Variants in XKR6 observed in about 807,000 individuals in gnomAD.
The protein encoded by XKR6 is XK related 6.
Under a neutral mutation model 56.7 loss-of-function variants are expected in XKR6, and 22 were observed. The observed-to-expected ratio is 0.39, with a 90% CI of 0.28 to 0.55. The LOEUF (loss-of-function observed/expected upper bound fraction) is 0.55, where lower values mean the gene tolerates loss of function less well. Among genes scored for constraint, XKR6 ranks in the 20% least tolerant of loss-of-function variants. The pLI is 0.66. For missense variants in XKR6, 852 were observed against 889.0 expected, an observed-to-expected ratio of 0.96 and a Z score of 0.53; for synonymous variants, 524 against 387.8, an observed-to-expected ratio of 1.35 and a Z score of -4.13.
chr8:10,955,027 C>G (rs1001976102), intron 1 of XKR6, among the ~76,000 whole-genome samples: 35 of 152,076 alleles, frequency 2.3e-4, no homozygotes, highest in African/African-American at 8.4e-4. Flanking sequence ...TGCCACCATG[C>G]CCAGCTAATT....
chr8:11,032,652 A>G (rs1044165798), intron 1 of XKR6, among the ~76,000 whole-genome samples: 2 of 152,184 alleles, frequency 1.3e-5, no homozygotes, highest in African/African-American at 2.4e-5. Flanking sequence ...CCCCAGGCTC[A>G]CCAGAGAAGG....
At chr8:10,983,589 G>A (rs1472464362) in intron 1 of XKR6, among the ~76,000 whole-genome samples, 3 of 151,716 alleles carry the variant, frequency 2.0e-5, no homozygotes, top group African/African-American at 4.8e-5. Flanking sequence ...TAATCCTTAA[G>A]AACAGACAAC....
chr8:10,978,554 T>A (rs1797648167), intron 1 of XKR6, among the ~76,000 whole-genome samples: 1 of 152,210 alleles, frequency 6.6e-6, no homozygotes, highest in South Asian at 2.1e-4. Context: ...GTCTCGTGCA[T>A]TCTCCTCCAG....
intron 1 of XKR6, among the ~76,000 whole-genome samples, chr8:11,039,451 G>A (rs1369301288): frequency 6.6e-6 from 1 of 152,246 alleles, no homozygotes; most frequent in Non-Finnish European, 1.5e-5. Context: ...CACGCTGTGT[G>A]TGCAAGATGA....
At chr8:11,129,115 T>C (rs532939747) in intron 1 of XKR6, 2 of 373,828 alleles carry the variant, frequency 5.4e-6, no homozygotes, top group African/African-American at 2.1e-5. Context: ...ACTTCCAACT[T>C]TGGGCTATGA....
Position 11,201,468 on chromosome 8 carries a change from A to C in XKR6, c.-129T>G. The C allele has an allele frequency of 3.4e-5, 16 of 466,796 alleles. No homozygotes were observed. Among genetic ancestry groups the C allele is most frequent in the East Asian group, 4.9e-5 (1 of 20,550 alleles). 28.9% of individuals were successfully genotyped at this position (466,796 alleles called of 1,614,324 possible). On this transcript the variant is annotated 5_prime_UTR_variant, in exon 1 of 3. Coordinates refer to ENST00000416569, the MANE Select transcript of XKR6 (RefSeq NM_173683.4). ...GGGCGGGGAGGAAGCGGGGGAGCAA[A>C]CGAACGAGGGGGGAGTGGGCCAGGG...
chr8:11,091,621 G>C lies in XKR6; in HGVS notation c.764+108955C>G, dbSNP rs573942607. On this transcript the variant is annotated intron_variant, in intron 1 of 2. Coordinates refer to ENST00000416569, the MANE Select transcript of XKR6 (RefSeq NM_173683.4). ...GCAGGAATAGGGGAGGAGGCAGTGG[G>C]AGTTGGTTTTACATGTGCTGCCCTG... Among the ~76,000 whole-genome samples the C allele has an allele frequency of 8.7e-4, 133 of 152,286 alleles. No individual in the cohort carries two copies. The Middle Eastern group carries it at 0.01, about 12-fold the overall frequency.
At position 11,200,187 on chromosome 8, in the gene XKR6, G is replaced by C. The variant is rs1804127907; in HGVS notation, c.764+389C>G. Among the ~76,000 whole-genome samples the C allele has an allele frequency of 6.6e-6, 1 of 152,232 alleles. No individual in the cohort carries two copies. Among genetic ancestry groups the C allele is most frequent in the Non-Finnish European group, 1.5e-5 (1 of 68,042 alleles). On this transcript the variant is annotated intron_variant, in intron 1 of 2. Transcript: ENST00000416569. This position sits in a 1 kb window ranked among gnomAD's most constrained non-coding sequence, Gnocchi z 6.4. Reference sequence around the variant, plus strand: ...CCTGGGAACAAACCCGAATGCAGCGGCTGGAGGAGGGAAGGCTCCCCGGGG... The same window carrying C: ...CCTGGGAACAAACCCGAATGCAGCGCCTGGAGGAGGGAAGGCTCCCCGGGG...
chr8:10,928,023 T>C (rs1346943374), intron 1 of XKR6, among the ~76,000 whole-genome samples: 1 of 152,130 alleles, frequency 6.6e-6, no homozygotes, highest in Non-Finnish European at 1.5e-5. Flanking sequence ...TGCTCCCGGC[T>C]CGGTCCCTCC....
At chr8:11,125,622 C>G (rs1334978474) in intron 1 of XKR6, 1 of 152,128 alleles carries the variant, frequency 6.6e-6, no homozygotes, top group Non-Finnish European at 1.5e-5. Context: ...AATAAACAGC[C>G]GTGCGAAGGA....
chr8:11,156,839 A>G (rs905381324), intron 1 of XKR6, among the ~76,000 whole-genome samples: 7 of 152,166 alleles, frequency 4.6e-5, no homozygotes, highest in African/African-American at 1.7e-4. Context: ...AGATGCACAC[A>G]CACACACATA....
intron 1 of XKR6, among the ~76,000 whole-genome samples, chr8:11,028,804 C>T (rs1007176737): frequency 7.2e-5 from 11 of 152,136 alleles, no homozygotes; most frequent in African/African-American, 2.4e-4. Flanking sequence ...ACCCTATGGC[C>T]CAGGCACTAT....
At chr8:11,171,359 T>C (rs780209122) in intron 1 of XKR6, among the ~76,000 whole-genome samples, 2 of 152,210 alleles carry the variant, frequency 1.3e-5, no homozygotes, top group Admixed American at 6.5e-5. Flanking sequence ...TTACCAGAGA[T>C]TAAGAGTTGC....
At chr8:11,103,919 G>A (rs914371536) in intron 1 of XKR6, among the ~76,000 whole-genome samples, 1 of 152,208 alleles carries the variant, frequency 6.6e-6, no homozygotes, top group Non-Finnish European at 1.5e-5. Flanking sequence ...GCCTTCCACT[G>A]TTGCGGAATT....
Position 11,201,283 on chromosome 8 carries a change from G to T in XKR6, c.57C>A (p.Asn19Lys), listed in dbSNP as rs1428061740. 6.3e-7 allele frequency: 1 copy of T among 1,583,326 alleles called. No homozygotes were observed. Among genetic ancestry groups the T allele is most frequent in the African/African-American group, 1.4e-5 (1 of 73,062 alleles). Residue 19 changes from asparagine (N) to lysine (K), a missense_variant, in exon 1 of 3, where the codon AAC becomes AAA. Around this residue, in one of 4 missense-constraint regions of XKR6, gnomAD observed 417 missense variants for 355.2 expected, o/e 1.17. Coordinates refer to ENST00000416569, the MANE Select transcript of XKR6 (RefSeq NM_173683.4). Reference sequence around the variant, plus strand: ...CGCCGCTGCCCACCGCCTCGTCCAGGTTGTGCAGCTGAGCGAAGCCCACCC... The same window carrying T: ...CGCCGCTGCCCACCGCCTCGTCCAGTTTGTGCAGCTGAGCGAAGCCCACCC... ...GVGVGFAQLH[N>K]LDEAVGSGGE...
chr8:11,006,876 C>T (rs1586423480), intron 1 of XKR6, among the ~76,000 whole-genome samples: 1 of 152,218 alleles, frequency 6.6e-6, no homozygotes, highest in Non-Finnish European at 1.5e-5. Flanking sequence ...CATCTCTATT[C>T]TAGCTGCAAC....
At chr8:10,945,604 G>C (rs558629702) in intron 1 of XKR6, among the ~76,000 whole-genome samples, 1 of 152,274 alleles carries the variant, frequency 6.6e-6, no homozygotes, top group African/African-American at 2.4e-5. Context: ...CAAGGTTTTG[G>C]TTTTTTGTTT....
At chr8:11,194,674 C>G (rs559337118) in intron 1 of XKR6, 1 of 150,902 alleles carries the variant, frequency 6.6e-6, no homozygotes, top group South Asian at 2.1e-4. Flanking sequence ...CAGAATCTTT[C>G]CATCCCACAG....
chr8:10,955,331 C>A (rs1371464660), intron 1 of XKR6, among the ~76,000 whole-genome samples: 1 of 152,172 alleles, frequency 6.6e-6, no homozygotes, highest in Non-Finnish European at 1.5e-5. Context: ...TGCCGACATG[C>A]CCAGCTAATT....
Sources: gnomAD v4.1 joint callset for allele counts (sites outside exome capture counted in the v4.1 genomes callset) on GRCh38, gnomAD v4.1.1 for gene constraint, gnomAD v4.1.1 regional missense constraint, Gnocchi (gnomAD v3.1) non-coding constraint, MANE v1.5 for transcripts, NCBI Gene and HGNC (gene_info 2026-07-23, HGNC 2026-07-21) for gene names.